Variants in HTR2C observed in about 807,000 individuals in gnomAD.
HTR2C encodes the protein 5-hydroxytryptamine receptor 2C, also known as 5-hydroxytryptamine (serotonin) receptor 2C, G protein-coupled.
Under a neutral mutation model 21.0 loss-of-function variants are expected in HTR2C, and 5 were observed. The ratio of observed to expected loss-of-function variants is 0.24; its 90% CI spans 0.12 to 0.50. The LOEUF (loss-of-function observed/expected upper bound fraction) is 0.50, where lower values mean the gene tolerates loss of function less well. Ranked by LOEUF, HTR2C falls within the 20% of genes least tolerant of loss-of-function variation. The pLI, the probability that HTR2C is intolerant of heterozygous loss-of-function variation, is 0.98. For synonymous variants in HTR2C, 150 were observed against 145.3 expected (o/e 1.03, Z -0.23); for missense variants, 271 against 371.2 (o/e 0.73, Z 2.22).
chrX:114,883,237 G>C (rs1556480268), intron 5 of HTR2C, among the ~76,000 whole-genome samples: 1 of 110,100 alleles, frequency 9.1e-6, no homozygotes, highest in African/African-American at 3.3e-5. Context: ...AATAATTTAA[G>C]CATCTATCTA....
At chrX:114,829,182 C>T (rs1167875171) in intron 4 of HTR2C, among the ~76,000 whole-genome samples, 1 of 111,483 alleles carries the variant, frequency 9.0e-6, no homozygotes, top group African/African-American at 3.3e-5. Flanking sequence ...ATGAGGTTTC[C>T]AATTTTTTCT....
chrX:114,792,900 T>C lies in HTR2C; in HGVS notation c.350-55103T>C, dbSNP rs28436771. On this transcript the variant is annotated intron_variant, in intron 4 of 5. Coordinates refer to ENST00000276198, the MANE Select transcript of HTR2C (RefSeq NM_000868.4). ...TGAGCTTTTATTCATATGTTTGTTG[T>C]CTGCATAAATATCTTCTTTTGAGAA... Among the ~76,000 whole-genome samples the C allele has an allele frequency of 2.5e-3, 280 of 112,247 alleles. 1 individual carries two copies. Among genetic ancestry groups the C allele is most frequent in the African/African-American group, 8.6e-3 (267 of 30,876 alleles).
At chrX:114,865,635 A>G (rs1556474355) in intron 5 of HTR2C, among the ~76,000 whole-genome samples, 1 of 111,082 alleles carries the variant, frequency 9.0e-6, no homozygotes, top group Non-Finnish European at 1.9e-5. Flanking sequence ...GACTTAGGGT[A>G]TTGAGCATTT....
At chrX:114,620,239 A>G (rs1929105152) in intron 2 of HTR2C, among the ~76,000 whole-genome samples, 1 of 112,166 alleles carries the variant, frequency 8.9e-6, no homozygotes, top group Non-Finnish European at 1.9e-5. Flanking sequence ...GGTGAAACTT[A>G]TATATGCCTA....
chrX:114,687,803 T>C (rs1354756520), intron 2 of HTR2C, among the ~76,000 whole-genome samples: 1 of 111,886 alleles, frequency 8.9e-6, no homozygotes, highest in African/African-American at 3.2e-5. Flanking sequence ...TTTATAAATA[T>C]CAGCTCCATT....
rs782451752 is a variant in HTR2C at position 114,790,482 on chromosome X, A to T, written c.350-57521A>T. ...AAAAGATTCCTAATCCCAGCCAATT[A>T]ACCACTTAGGTTAGGTAATATTGAA... On this transcript the variant is annotated intron_variant, in intron 4 of 5. Coordinates refer to ENST00000276198, the MANE Select transcript of HTR2C (RefSeq NM_000868.4). Among the ~76,000 whole-genome samples, 9 of 112,103 alleles carry T rather than the reference A, an allele frequency of 8.0e-5. No individual in the cohort carries two copies. The South Asian group carries it at 2.6e-3, about 32-fold the overall frequency.
chrX:114,840,523 A>G (rs1343346690), intron 4 of HTR2C, among the ~76,000 whole-genome samples: 1 of 111,589 alleles, frequency 9.0e-6, no homozygotes, highest in Non-Finnish European at 1.9e-5. Context: ...ACTCTCAGGA[A>G]TCTGTGAAAC....
chrX:114,596,541 T>C (rs1556392627), intron 1 of HTR2C, among the ~76,000 whole-genome samples: 1 of 112,045 alleles, frequency 8.9e-6, no homozygotes, highest in East Asian at 2.8e-4. Context: ...TTTCATATGA[T>C]CATTTTGCCC....
At chrX:114,694,061 GAC>G (rs1170846324) in intron 2 of HTR2C, among the ~76,000 whole-genome samples, 5 of 111,295 alleles carry the variant, frequency 4.5e-5, no homozygotes, top group Non-Finnish European at 9.4e-5. Flanking sequence ...TGTTTTTCCT[GAC>G]AGTTTTAAGG....
chrX:114,628,255 T>C (rs1206158429), intron 2 of HTR2C, among the ~76,000 whole-genome samples: 1 of 110,697 alleles, frequency 9.0e-6, no homozygotes, highest in African/African-American at 3.3e-5. Context: ...TATCTTTTAA[T>C]TGAGATGGAG....
At chrX:114,726,506 G>A (rs935979434) in intron 2 of HTR2C, among the ~76,000 whole-genome samples, 11 of 112,662 alleles carry the variant, frequency 9.8e-5, no homozygotes, top group Admixed American at 5.6e-4. Context: ...GCTGTAGACC[G>A]GAGCTGTTCC....
At chrX:114,753,929 G>A (rs1249997275) in intron 4 of HTR2C, among the ~76,000 whole-genome samples, 1 of 111,343 alleles carries the variant, frequency 9.0e-6, no homozygotes, top group East Asian at 2.8e-4. Context: ...CAGTTTTGGA[G>A]GCTAGAAGTC....
chrX:114,623,181 A>G (rs1929231806), intron 2 of HTR2C, among the ~76,000 whole-genome samples: 1 of 111,994 alleles, frequency 8.9e-6, no homozygotes, highest in South Asian at 3.7e-4. Context: ...ATGACTGGTT[A>G]TTATTACCTA....
chrX:114,704,605 T>G (rs782268456), intron 2 of HTR2C, among the ~76,000 whole-genome samples: 78 of 111,699 alleles, frequency 7.0e-4, no homozygotes, highest in Middle Eastern at 4.6e-3. Flanking sequence ...AATATCATAC[T>G]GAATGGGCAA....
intron 5 of HTR2C, among the ~76,000 whole-genome samples, chrX:114,891,210 C>T (rs1380149932): frequency 9.0e-6 from 1 of 111,042 alleles, no homozygotes; most frequent in African/African-American, 3.3e-5. Context: ...TTGCCTCGAA[C>T]TTATTGAACA....
chrX:114,898,315 G>C (rs1390842157), intron 5 of HTR2C, among the ~76,000 whole-genome samples: 2 of 110,954 alleles, frequency 1.8e-5, no homozygotes, highest in African/African-American at 6.5e-5. Context: ...CCTTTGTCAG[G>C]TTGCAAAGAT....
chrX:114,588,593 A>G (rs923139420), intron 1 of HTR2C, among the ~76,000 whole-genome samples: 1 of 107,984 alleles, frequency 9.3e-6, no homozygotes, highest in African/African-American at 3.4e-5. Context: ...ATAGCAATGA[A>G]TGAATTGGCT....
intron 4 of HTR2C, among the ~76,000 whole-genome samples, chrX:114,798,783 C>T (rs1312441503): frequency 9.0e-6 from 1 of 111,410 alleles, no homozygotes; most frequent in Non-Finnish European, 1.9e-5. Flanking sequence ...AAAGACAACA[C>T]ATTATCTTAG....
chrX:114,883,612 A>G (rs1327054743), intron 5 of HTR2C, among the ~76,000 whole-genome samples: 1 of 109,731 alleles, frequency 9.1e-6, no homozygotes, highest in African/African-American at 3.3e-5. Flanking sequence ...TATGCTGTGT[A>G]TTTATGTTTA....
Sources: gnomAD v4.1 joint callset for allele counts (sites outside exome capture counted in the v4.1 genomes callset) on GRCh38, gnomAD v4.1.1 for gene constraint, MANE v1.5 for transcripts, NCBI Gene and HGNC (gene_info 2026-07-23, HGNC 2026-07-21) for gene names.